ALOX5: variants seen among roughly 807,000 people sequenced by gnomAD.
ALOX5 encodes the protein arachidonate 5-lipoxygenase, also known as polyunsaturated fatty acid 5-lipoxygenase.
In ALOX5, 64 loss-of-function variants were observed where a neutral mutation model predicts 87.9. The observed-to-expected ratio is 0.73, with a 90% CI of 0.60 to 0.90. The LOEUF is 0.90. ALOX5 is among the 40% of genes least tolerant of loss of function. The pLI, the probability that ALOX5 is intolerant of heterozygous loss-of-function variation, is 0.00. For missense variants in ALOX5, 822 were observed against 907.5 expected, an observed-to-expected ratio of 0.91 and a Z score of 1.21; for synonymous variants, 388 against 355.1, an observed-to-expected ratio of 1.09 and a Z score of -1.04.
At chr10:45,435,210 G>C (rs1842025117) in intron 7 of ALOX5, among the ~76,000 whole-genome samples, 1 of 152,100 alleles carries the variant, frequency 6.6e-6, no homozygotes, top group African/African-American at 2.4e-5. Context: ...GGCTGAAATA[G>C]GCAGAGCACT....
At chr10:45,414,153 G>A (rs1391694565) in intron 4 of ALOX5, among the ~76,000 whole-genome samples, 4 of 152,118 alleles carry the variant, frequency 2.6e-5, no homozygotes, top group Admixed American at 6.5e-5. Flanking sequence ...CAAAAGAACA[G>A]AGCTGGAGGC....
chr10:45,415,280 T>C (rs1841236239), intron 4 of ALOX5, among the ~76,000 whole-genome samples: 1 of 152,202 alleles, frequency 6.6e-6, no homozygotes, highest in African/African-American at 2.4e-5. Context: ...TTAATGTCCT[T>C]TGCAGGGACA....
chr10:45,412,252 C>G lies in ALOX5; in HGVS notation c.493C>G (p.Pro165Ala). The stretch of plus-strand genomic sequence containing the variant: ...CGATGCCAAATGCCACAAGGATTTA[C>G]CCCGTGATATCCAGTTTGATAGTGA... ...SIDAKCHKDL[P>A]RDIQFDSEKG... The change falls in exon 4 of 14, where the codon CCC (proline) becomes GCC (alanine). Residue 165 changes from proline to alanine, a missense_variant. Coordinates refer to ENST00000374391, the MANE Select transcript of ALOX5 (RefSeq NM_000698.5). 1.2e-6 allele frequency: 2 copies of G among 1,614,144 alleles called. No individual in the cohort carries two copies. The highest frequency in any genetic ancestry group is 1.7e-6 in the Non-Finnish European group (2 of 1,180,016).
rs143675525 is a variant in ALOX5 at position 45,440,593 on chromosome 10, C to T, written c.1145C>T (p.Ala382Val). The change falls in exon 8 of 14, where the codon GCA (alanine) becomes GTA (valine). Residue 382 changes from alanine (A) to valine (V), a missense_variant. Physicochemically the swap from Ala to Val is moderately conservative, Grantham distance 64 (BLOSUM62 0). Coordinates refer to ENST00000374391, the MANE Select transcript of ALOX5 (RefSeq NM_000698.5). ...THLVSEVFGI[A>V]MYRQLPAVHP... ...CTGGTGTCTGAGGTTTTTGGCATTG[C>T]AATGTACCGCCAGCTGCCTGCTGTG... 5.1e-5 allele frequency: 82 copies of T among 1,614,038 alleles called. No individual in the cohort carries two copies. The highest frequency in any genetic ancestry group is 6.9e-5 in the Non-Finnish European group (81 of 1,180,040).
At chr10:45,406,625 T>C (rs1179687634) in intron 3 of ALOX5, among the ~76,000 whole-genome samples, 2 of 152,234 alleles carry the variant, frequency 1.3e-5, no homozygotes, top group Non-Finnish European at 2.9e-5. Context: ...CATTTGCTGT[T>C]CTGAGTAGGA....
At position 45,425,358 on chromosome 10, in the gene ALOX5, A is replaced by T. The variant is rs1841667992; in HGVS notation, c.834+226A>T. 6.6e-6 allele frequency among the ~76,000 whole-genome samples: 1 copy of T among 152,188 alleles called. No homozygotes were observed. The highest frequency in any genetic ancestry group is 2.1e-4 in the South Asian group (1 of 4,822). ...GAATTGCGGGGAATGTTTCTCCATG[A>T]TGCTCGAGTCTGGGAACATAATGTC... On this transcript the variant is annotated intron_variant, in intron 6 of 13. Transcript: ENST00000374391. This position sits in a 1 kb window ranked among gnomAD's most constrained non-coding sequence, Gnocchi z 4.4.
chr10:45,437,878 T>C (rs1335552305), intron 7 of ALOX5, among the ~76,000 whole-genome samples: 1 of 152,278 alleles, frequency 6.6e-6, no homozygotes, highest in Non-Finnish European at 1.5e-5. Flanking sequence ...GCTCTCGCCA[T>C]TGTTCCATCT....
chr10:45,377,384 A>C (rs1839654898), intron 1 of ALOX5, among the ~76,000 whole-genome samples: 1 of 146,408 alleles, frequency 6.8e-6, no homozygotes, highest in African/African-American at 2.6e-5. Flanking sequence ...CAGTTCCCTA[A>C]ATGCCCCCCG....
intron 3 of ALOX5, among the ~76,000 whole-genome samples, chr10:45,407,116 A>C (rs1840912877): frequency 6.6e-6 from 1 of 152,010 alleles, no homozygotes; most frequent in African/African-American, 2.4e-5. Context: ...ATCCCCTCAA[A>C]CAAATTCCCC....
At chr10:45,398,812 CAA>C (rs1410098189) in intron 3 of ALOX5, among the ~76,000 whole-genome samples, 2 of 152,134 alleles carry the variant, frequency 1.3e-5, no homozygotes, top group African/African-American at 4.8e-5. Context: ...CCGACAAGAA[CAA>C]GTGTTGACAA....
intron 2 of ALOX5, among the ~76,000 whole-genome samples, chr10:45,383,850 C>T (rs987385099): frequency 5.3e-5 from 8 of 152,122 alleles, no homozygotes; most frequent in African/African-American, 1.9e-4. Context: ...TCATTTATTC[C>T]TGTGGTCAAC....
At chr10:45,426,506 A>G (rs1000063634) in intron 6 of ALOX5, among the ~76,000 whole-genome samples, 21 of 152,236 alleles carry the variant, frequency 1.4e-4, no homozygotes, top group Non-Finnish European at 5.9e-5. Flanking sequence ...CTTGTGGCCT[A>G]CTAAAAACGC....
Position 45,419,647 on chromosome 10 carries a change from G to A in ALOX5, c.555-4394G>A, listed in dbSNP as rs561404059. ...GTAATCCCAGTGTTCGGGGATTCCC[G>A]AGCGGGAGGATCGCTTGAGCCGGGG... is the stretch of plus-strand genomic sequence containing the variant. On this transcript the variant is annotated intron_variant, in intron 4 of 13. Coordinates refer to ENST00000374391, the MANE Select transcript of ALOX5 (RefSeq NM_000698.5). Among the ~76,000 whole-genome samples, 4 of 152,376 alleles carry A rather than the reference G, an allele frequency of 2.6e-5. No individual in the cohort carries two copies. In the South Asian group the frequency reaches 8.3e-4, roughly 32 times the overall value.
chr10:45,436,101 C>CA (rs1564446307), intron 7 of ALOX5, among the ~76,000 whole-genome samples: 1 of 152,124 alleles, frequency 6.6e-6, no homozygotes, highest in African/African-American at 2.4e-5. Flanking sequence ...GTCCTTTGCC[C>CA]ACTTTTTAAT....
intron 3 of ALOX5, among the ~76,000 whole-genome samples, chr10:45,403,507 G>A (rs754455595): frequency 2.6e-5 from 4 of 152,084 alleles, no homozygotes; most frequent in East Asian, 1.9e-4. Context: ...GTGAGGGTAC[G>A]GACAATGTTC....
chr10:45,444,084 G>A (rs771604824), intron 12 of ALOX5, 32 bp from the exon 13 acceptor site: 9 of 1,506,218 alleles, frequency 6.0e-6, no homozygotes, highest in African/African-American at 5.5e-5. Context: ...GGCTTCGGGG[G>A]TGCCCACGCT....
intron 4 of ALOX5, among the ~76,000 whole-genome samples, chr10:45,414,914 T>G (rs1358918334): frequency 6.6e-6 from 1 of 152,146 alleles, no homozygotes; most frequent in Non-Finnish European, 1.5e-5. Flanking sequence ...AGAATGGCAA[T>G]CATTAAAAAG....
Position 45,383,629 on chromosome 10 carries a change from A to G in ALOX5, c.349+948A>G, listed in dbSNP as rs137974919. Among the ~76,000 whole-genome samples the G allele has an allele frequency of 1.3e-5, 2 of 152,306 alleles. 1 individual carries two copies. Among genetic ancestry groups the G allele is most frequent in the Non-Finnish European group, 2.9e-5 (2 of 68,020 alleles). On this transcript the variant is annotated intron_variant, in intron 2 of 13. Transcript: ENST00000374391. ...AGTTTGGTGGGGTAGGTAGGAAGAG[A>G]TGACTGTTACCCCCATTTTATAGCT... is the stretch of plus-strand genomic sequence containing the variant.
chr10:45,394,345 G>T (rs1355899040), intron 2 of ALOX5, among the ~76,000 whole-genome samples: 1 of 152,184 alleles, frequency 6.6e-6, no homozygotes, highest in African/African-American at 2.4e-5. Context: ...ACAAAAACAA[G>T]CAATGGGGAA....
Sources: gnomAD v4.1 joint callset for allele counts (sites outside exome capture counted in the v4.1 genomes callset) on GRCh38, gnomAD v4.1.1 for gene constraint, Gnocchi (gnomAD v3.1) non-coding constraint, MANE v1.5 for transcripts, NCBI Gene and HGNC (gene_info 2026-07-23, HGNC 2026-07-21) for gene names.